The following MMS19 variants were observed in gnomAD, a reference collection of about 807,000 sequenced individuals.
MMS19 encodes the protein MMS19 nucleotide excision repair protein homolog.
MMS19 carries 77 observed loss-of-function variants against 129.8 expected under a neutral mutation model. The observed-to-expected ratio is 0.59, with a 90% CI of 0.49 to 0.72. The LOEUF (loss-of-function observed/expected upper bound fraction) is 0.72. MMS19 is among the 30% of genes least tolerant of loss of function. The probability of loss-of-function intolerance (pLI) is 0.00; values close to 1 mark genes in which losing one functional copy is unlikely to be tolerated. For synonymous variants in MMS19, 491 were observed against 502.8 expected, an observed-to-expected ratio of 0.98 and a Z score of 0.31; for missense variants, 1,168 against 1,266.3, an observed-to-expected ratio of 0.92 and a Z score of 1.18.
In MMS19 at chr10:97,477,909, G is replaced by A. The variant is rs1564667609; in HGVS notation, c.369C>T (p.Pro123=). ...TAAGCACAGAAACAGCCAGCCCTGG[G>A]GGCAGGGCCACACACAGGCTCTGGG... ...LKALSLCVAL[P]PGLAVSVLKA... The change falls in exon 5 of 31, where the codon CCC becomes CCT. Residue 123 remains proline, a synonymous_variant. Coordinates refer to ENST00000438925, the MANE Select transcript of MMS19 (RefSeq NM_022362.5). 3 of 1,607,276 alleles carry A rather than the reference G, an allele frequency of 1.9e-6. No individual in the cohort carries two copies. The highest frequency in any genetic ancestry group is 4.5e-5 in the East Asian group (2 of 44,768).
At chr10:97,465,770 A>T in intron 18 of MMS19, 35 bp downstream of exon 18, 2 of 1,595,000 alleles carry the variant, frequency 1.3e-6, no homozygotes, top group Non-Finnish European at 1.7e-6. Flanking sequence ...CTCCCTATTC[A>T]GCCCAGTCCG....
intron 11 of MMS19, 68 bp from the exon 12 acceptor site, chr10:97,469,172 C>G: frequency 6.6e-7 from 1 of 1,505,936 alleles, no homozygotes; most frequent in Non-Finnish European, 8.8e-7. Flanking sequence ...CAATCCACTG[C>G]CTATTTCCTT....
At chr10:97,462,546 C>T (rs1417335220) in intron 20 of MMS19, 37 bp downstream of exon 20, 1 of 1,487,324 alleles carries the variant, frequency 6.7e-7, no homozygotes, top group African/African-American at 1.4e-5. Flanking sequence ...TGCTATCCTT[C>T]TCCCTGGGTT....
intron 26 of MMS19, 80 bp downstream of exon 26, chr10:97,459,966 G>A (rs1028165813): frequency 1.4e-6 from 2 of 1,437,900 alleles, no homozygotes; most frequent in African/African-American, 1.4e-5. Context: ...AGAAGCAAGC[G>A]GGCCCTAAAT....
At chr10:97,498,522 T>G, upstream of MMS19, 1 of 1,276,912 alleles carries the variant, frequency 7.8e-7, no homozygotes, top group Non-Finnish European at 1.1e-6. Flanking sequence ...GGCTTCTGCC[T>G]AGGCAGTTCC....
At chr10:97,465,045 G>T (rs1425231743) in intron 18 of MMS19, among the ~76,000 whole-genome samples, 2 of 150,168 alleles carry the variant, frequency 1.3e-5, no homozygotes, top group Non-Finnish European at 3.0e-5. Flanking sequence ...GTTTCACCCT[G>T]TTTGCCCAGG....
chr10:97,498,194 T>C, intron 1 of MMS19, 79 bp downstream of exon 1: 4 of 1,363,154 alleles, frequency 2.9e-6, no homozygotes, highest in Non-Finnish European at 3.9e-6. Context: ...CGCTCCTCCC[T>C]TCCCGCCCGG....
chr10:97,460,691 G>A lies in MMS19; in HGVS notation c.2469+4C>T, dbSNP rs376742227. ...GGGTTCTTCTGTCTCCAGAAAGGAC[G>A]TACCCGGGCTGTAAGGCAGGAGCTG... On this transcript the variant is annotated splice_donor_region_variant and intron_variant, in intron 25 of 30. Coordinates refer to ENST00000438925, the MANE Select transcript of MMS19 (RefSeq NM_022362.5). 7.4e-5 allele frequency: 117 copies of A among 1,588,926 alleles called. No homozygotes were observed. The African/African-American group carries it at 1.2e-3, about 16-fold the overall frequency.
intron 1 of MMS19, among the ~76,000 whole-genome samples, chr10:97,493,842 C>T (rs1331521838): frequency 6.6e-6 from 1 of 152,032 alleles, no homozygotes; most frequent in Non-Finnish European, 1.5e-5. Context: ...ATGGAGAAAC[C>T]CCATCTCTAC....
At position 97,469,662 on chromosome 10, in the gene MMS19, G is replaced by A; in HGVS notation, c.908C>T (p.Ala303Val). 6.2e-7 allele frequency: 1 copy of A among 1,613,878 alleles called. No individual in the cohort carries two copies. The highest frequency in any genetic ancestry group is 8.5e-7 in the Non-Finnish European group (1 of 1,179,782). ...GACACTCACCTCTCTGCGGATAGAA[G>A]CCCAAAGGCTGGGGAGGAAGTCCTT... ...ELKDFLPSLW[A>V]SIRREVFQTA... The change falls in exon 11 of 31, where the codon GCT becomes GTT. Residue 303 changes from alanine to valine, a missense_variant. Physicochemically the swap from Ala to Val is moderately conservative, Grantham distance 64 (BLOSUM62 0). This residue lies in a region of MMS19 where 831 missense variants were observed against 910.8 expected (regional missense o/e 0.91). Coordinates refer to ENST00000438925, the MANE Select transcript of MMS19 (RefSeq NM_022362.5).
rs29001332 is a variant in MMS19, at chr10:97,459,239, C to T, written c.2948G>A (p.Arg983His). The change falls in exon 29 of 31, where the codon CGC becomes CAC. Residue 983 changes from arginine (R) to histidine (H), a missense_variant. Arg to His is a conservative substitution (Grantham distance 29). Transcript: ENST00000438925. ...AALQCMHALT[R>H]LPTPVLLPYK... ...GGTACTTACCACAGGGGTGGGCAGG[C>T]GAGTGAGAGCATGCATGCACTGCAG... The T allele has an allele frequency of 6.3e-4, 1,016 of 1,612,240 alleles. 2 individuals are homozygous for T. In the African/African-American group the frequency reaches 0.011, roughly 18 times the overall value.
chr10:97,468,151 G>T, intron 13 of MMS19, 101 bp downstream of exon 13: 1 of 1,206,784 alleles, frequency 8.3e-7, no homozygotes. Flanking sequence ...CAAAACCCAA[G>T]GTCTACTATG....
chr10:97,477,494 A>G, intron 5 of MMS19, 78 bp from the exon 6 acceptor site: 1 of 1,590,238 alleles, frequency 6.3e-7, no homozygotes, highest in Non-Finnish European at 8.6e-7. Context: ...CTGCTTCATA[A>G]TCTCTAAGTG....
intron 5 of MMS19, 137 bp from the exon 6 acceptor site, chr10:97,477,553 A>AGAAAG: frequency 8.1e-7 from 1 of 1,228,728 alleles, no homozygotes; most frequent in African/African-American, 1.5e-5. Context: ...GAAACTACAG[A>AGAAAG]GAAAGGGTAT....
At chr10:97,483,599 GTACTTCC>G (rs1479136792) in intron 2 of MMS19, among the ~76,000 whole-genome samples, 3 of 152,208 alleles carry the variant, frequency 2.0e-5, no homozygotes, top group African/African-American at 7.2e-5. Flanking sequence ...CTACAAGCAC[GTACTTCC>G]TCTAAGTGCT....
At chr10:97,470,263 T>A in intron 9 of MMS19, 60 bp from the exon 10 acceptor site, 1 of 1,182,936 alleles carries the variant, frequency 8.5e-7, no homozygotes, top group Non-Finnish European at 1.2e-6. Context: ...CACATCAAGG[T>A]CAACCCTGTC....
intron 1 of MMS19, 84 bp downstream of exon 1, chr10:97,498,189 C>T: frequency 7.6e-7 from 1 of 1,316,072 alleles, no homozygotes; most frequent in East Asian, 2.6e-5. Context: ...CACCCCGCTC[C>T]TCCCTTCCCG....
In MMS19 at chr10:97,458,660, T is replaced by C. The variant is rs147551716; in HGVS notation, c.*32A>G. ...CAACAGTTAGTAATCCCAGGTTAGA[T>C]TGTCAGAACAGTCTAGGCCAGGACT... On this transcript the variant is annotated 3_prime_UTR_variant, in exon 31 of 31. Transcript: ENST00000438925. 22 of 1,587,556 alleles carry C rather than the reference T, an allele frequency of 1.4e-5. No homozygotes were observed. Among genetic ancestry groups the C allele is most frequent in the East Asian group, 2.3e-5 (1 of 43,926 alleles).
At chr10:97,480,292 G>A (rs758372806) in intron 3 of MMS19, 31 of 462,680 alleles carry the variant, frequency 6.7e-5, no homozygotes, top group African/African-American at 5.2e-4. Context: ...TTGGAGCCCC[G>A]CTCTGTCTCT....
Sources: gnomAD v4.1 joint callset for allele counts (sites outside exome capture counted in the v4.1 genomes callset) on GRCh38, gnomAD v4.1.1 for gene constraint, gnomAD v4.1.1 regional missense constraint, MANE v1.5 for transcripts, NCBI Gene and HGNC (gene_info 2026-07-23, HGNC 2026-07-21) for gene names.